SORCS3: variants seen among roughly 807,000 people sequenced by gnomAD.
The protein encoded by SORCS3 is sortilin related VPS10 domain containing receptor 3.
SORCS3 carries 57 observed loss-of-function variants against 146.3 expected under a neutral mutation model. That is an observed-to-expected ratio of 0.39 (90% CI 0.31 to 0.49). The LOEUF (loss-of-function observed/expected upper bound fraction) is 0.49. Among genes scored for constraint, SORCS3 ranks in the 20% least tolerant of loss-of-function variants. The pLI, the probability that SORCS3 is intolerant of heterozygous loss-of-function variation, is 0.92. For missense variants in SORCS3, 1,341 were observed against 1,575.5 expected, an observed-to-expected ratio of 0.85 and a Z score of 2.52; for synonymous variants, 653 against 618.5, an observed-to-expected ratio of 1.06 and a Z score of -0.83.
At chr10:104,667,679 C>T (rs2015798447) in intron 1 of SORCS3, among the ~76,000 whole-genome samples, 1 of 152,152 alleles carries the variant, frequency 6.6e-6, no homozygotes, top group Non-Finnish European at 1.5e-5. Context: ...GGGAACAAAA[C>T]CCCAGAGTAA....
chr10:105,179,366 A>G (rs1278854257), intron 14 of SORCS3, among the ~76,000 whole-genome samples: 1 of 152,122 alleles, frequency 6.6e-6, no homozygotes, highest in African/African-American at 2.4e-5. Flanking sequence ...TATGAGGGAG[A>G]TTGACCTCAG....
chr10:104,769,884 T>C (rs1012885714), intron 1 of SORCS3, among the ~76,000 whole-genome samples: 3 of 152,196 alleles, frequency 2.0e-5, no homozygotes, highest in African/African-American at 7.2e-5. Flanking sequence ...TATACACTTT[T>C]GTCAGATGAC....
chr10:104,771,390 A>G (rs190519131), intron 1 of SORCS3, among the ~76,000 whole-genome samples: 138 of 152,298 alleles, frequency 9.1e-4, no homozygotes, highest in African/African-American at 3.2e-3. Flanking sequence ...GCAAGAGTAG[A>G]GGTGGCTCAT....
chr10:104,812,356 A>C (rs2017750532), intron 1 of SORCS3, among the ~76,000 whole-genome samples: 1 of 152,148 alleles, frequency 6.6e-6, no homozygotes, highest in African/African-American at 2.4e-5. Flanking sequence ...ATCCTTAGTT[A>C]TTTCCAAGAT....
chr10:105,009,523 CAAACAAAA>C (rs1175457411), intron 4 of SORCS3, among the ~76,000 whole-genome samples: 8 of 48,996 alleles, frequency 1.6e-4, no homozygotes, highest in Admixed American at 2.6e-4. Flanking sequence ...AACAAACAAA[CAAACAAAA>C]AAAAAAAAAA....
At chr10:104,999,933 C>A (rs943578281) in intron 4 of SORCS3, among the ~76,000 whole-genome samples, 4 of 152,102 alleles carry the variant, frequency 2.6e-5, no homozygotes, top group African/African-American at 7.2e-5. Context: ...TCTGTGACTA[C>A]CTGCCTTTTA....
intron 2 of SORCS3, among the ~76,000 whole-genome samples, chr10:104,897,338 A>G (rs922175177): frequency 1.3e-5 from 2 of 152,312 alleles, no homozygotes; most frequent in South Asian, 2.1e-4. Flanking sequence ...TTTTCCAACA[A>G]TGATCTCAAA....
intron 4 of SORCS3, among the ~76,000 whole-genome samples, chr10:105,000,064 T>C (rs2055051871): frequency 6.6e-6 from 1 of 151,660 alleles, no homozygotes; most frequent in Admixed American, 6.6e-5. Context: ...GCTGAATGAA[T>C]GAATGAATGA....
intron 3 of SORCS3, among the ~76,000 whole-genome samples, chr10:104,940,032 TA>T: frequency 6.6e-6 from 1 of 151,054 alleles, no homozygotes; most frequent in African/African-American, 2.4e-5. Context: ...TTTAAGGAAG[TA>T]AAAAAACAAA....
At chr10:105,259,324 A>G (rs987178078) in intron 25 of SORCS3, among the ~76,000 whole-genome samples, 1 of 152,216 alleles carries the variant, frequency 6.6e-6, no homozygotes, top group South Asian at 2.1e-4. Context: ...TGTCCAGATC[A>G]TTGGCCATAC....
intron 4 of SORCS3, among the ~76,000 whole-genome samples, chr10:105,014,082 T>TATATAC (rs368094008): frequency 3.8e-4 from 48 of 125,976 alleles, no homozygotes; most frequent in African/African-American, 1.0e-3. Flanking sequence ...TATATATATA[T>TATATAC]ACACACATAT....
intron 4 of SORCS3, among the ~76,000 whole-genome samples, chr10:105,004,000 C>CTCTTTTTTTTTT (rs1308074575): frequency 6.4e-5 from 9 of 140,228 alleles, no homozygotes; most frequent in African/African-American, 2.1e-4. Flanking sequence ...TCTTCTCTCT[C>CTCTTTTTTTTTT]TTTTTTTTTT....
intron 7 of SORCS3, among the ~76,000 whole-genome samples, chr10:105,118,394 T>C (rs1016114773): frequency 2.0e-5 from 3 of 152,152 alleles, no homozygotes; most frequent in African/African-American, 7.2e-5. Context: ...CAATTAAACC[T>C]CTTTTCTTTA....
intron 8 of SORCS3, among the ~76,000 whole-genome samples, chr10:105,140,870 T>G (rs550792437): frequency 9.2e-5 from 14 of 152,096 alleles, no homozygotes; most frequent in Non-Finnish European, 1.8e-4. Flanking sequence ...TATAGTATGG[T>G]GTTTGCAGGA....
intron 25 of SORCS3, among the ~76,000 whole-genome samples, chr10:105,258,761 T>G (rs1296407934): frequency 6.6e-6 from 1 of 152,188 alleles, no homozygotes; most frequent in Non-Finnish European, 1.5e-5. Flanking sequence ...TCTAAAAAAT[T>G]CTACCTTTGT....
At chr10:104,651,567 C>T (rs2015560236) in intron 1 of SORCS3, among the ~76,000 whole-genome samples, 1 of 143,324 alleles carries the variant, frequency 7.0e-6, no homozygotes, top group Non-Finnish European at 1.5e-5. Context: ...CAAAAATTAG[C>T]TGGTGGCACA....
At chr10:105,124,323 T>C (rs2133767445) in intron 7 of SORCS3, among the ~76,000 whole-genome samples, 1 of 152,278 alleles carries the variant, frequency 6.6e-6, no homozygotes, top group South Asian at 2.1e-4. Context: ...CCTACTTTCC[T>C]GGGGTGGAAT....
chr10:105,075,318 T>C (rs2055581778), intron 5 of SORCS3, among the ~76,000 whole-genome samples: 1 of 152,166 alleles, frequency 6.6e-6, no homozygotes, highest in African/African-American at 2.4e-5. Flanking sequence ...TGCTCATCTG[T>C]GGAATGGGAG....
At chr10:104,952,549 G>A (rs2019443619) in intron 3 of SORCS3, among the ~76,000 whole-genome samples, 1 of 152,106 alleles carries the variant, frequency 6.6e-6, no homozygotes, top group African/African-American at 2.4e-5. Flanking sequence ...GCTTTTCTTA[G>A]TCTCAGTGTC....
Sources: gnomAD v4.1 joint callset for allele counts (sites outside exome capture counted in the v4.1 genomes callset) on GRCh38, gnomAD v4.1.1 for gene constraint, MANE v1.5 for transcripts, NCBI Gene and HGNC (gene_info 2026-07-23, HGNC 2026-07-21) for gene names.